DCHS2: variants seen among roughly 807,000 people sequenced by gnomAD.
DCHS2 encodes dachsous cadherin-related 2, also known as protocadherin-23.
DCHS2 carries 142 observed loss-of-function variants against 182.4 expected under a neutral mutation model. The observed-to-expected ratio is 0.78, with a 90% CI of 0.68 to 0.89. The LOEUF (loss-of-function observed/expected upper bound fraction) is 0.89, where lower values mean the gene tolerates loss of function less well. DCHS2 is among the 40% of genes least tolerant of loss of function. The probability of loss-of-function intolerance (pLI) is 0.00; values close to 1 mark genes in which losing one functional copy is unlikely to be tolerated. For synonymous variants in DCHS2, 1,740 were observed against 1,663.3 expected (o/e 1.05, Z -1.12); for missense variants, 4,319 against 4,198.6 (o/e 1.03, Z -0.79).
At chr4:154,269,151 G>T (rs1198217125) in intron 14 of DCHS2, 1 of 152,198 alleles carries the variant, frequency 6.6e-6, no homozygotes, top group Non-Finnish European at 1.5e-5. Context: ...ACCAAAGGCT[G>T]TATGGACCAA....
chr4:154,327,351 T>C (rs1736322892), intron 7 of DCHS2, among the ~76,000 whole-genome samples: 1 of 152,158 alleles, frequency 6.6e-6, no homozygotes, highest in South Asian at 2.1e-4. Context: ...AAAATACCAG[T>C]GAGTTTCGTA....
At chr4:154,274,871 G>T (rs1378193678) in intron 13 of DCHS2, among the ~76,000 whole-genome samples, 1 of 151,734 alleles carries the variant, frequency 6.6e-6, no homozygotes, top group African/African-American at 2.4e-5. Flanking sequence ...CTGATAGTGA[G>T]ATTTGCAGTA....
At chr4:154,282,476 G>A (rs1328098494) in intron 13 of DCHS2, among the ~76,000 whole-genome samples, 1 of 151,664 alleles carries the variant, frequency 6.6e-6, no homozygotes, top group Non-Finnish European at 1.5e-5. Context: ...ATACCCATTA[G>A]GATGGCATTT....
At chr4:154,456,481 G>A (rs1232604053) in intron 1 of DCHS2, among the ~76,000 whole-genome samples, 1 of 152,176 alleles carries the variant, frequency 6.6e-6, no homozygotes, top group Non-Finnish European at 1.5e-5. Context: ...ATGCAGATAT[G>A]ACACGCTGCT....
At position 154,490,710 on chromosome 4, in the gene DCHS2, G is replaced by T; in HGVS notation, c.646C>A (p.Pro216Thr). Residue 216 changes from proline (P) to threonine (T), a missense_variant, in exon 1 of 20, where the codon CCC (proline) becomes ACC (threonine). Physicochemically the swap from Pro to Thr is conservative, Grantham distance 38 (BLOSUM62 -1). Coordinates refer to ENST00000357232, the MANE Select transcript of DCHS2 (RefSeq NM_001358235.2). ...LVQPSDLPKDPAGPFFQLRYR... is the reference protein window; with the variant it reads ...LVQPSDLPKDTAGPFFQLRYR... The stretch of plus-strand genomic sequence containing the variant: ...CGCAACTGGAAGAACGGGCCTGCGG[G>T]GTCCTTGGGCAGGTCGGACGGTTGC... 6.4e-7 allele frequency: 1 copy of T among 1,551,618 alleles called. No homozygotes were observed. Among genetic ancestry groups the T allele is most frequent in the Non-Finnish European group, 8.7e-7 (1 of 1,146,912 alleles).
At chr4:154,488,197 A>C (rs992511754) in intron 1 of DCHS2, among the ~76,000 whole-genome samples, 2 of 141,390 alleles carry the variant, frequency 1.4e-5, no homozygotes, top group Non-Finnish European at 3.1e-5. Context: ...AAAAAGAAAC[A>C]AATAGGAAAT....
chr4:154,366,562 ATATGTATATG>A, intron 2 of DCHS2, 121 bp from the exon 3 acceptor site: 1 of 702,478 alleles, frequency 1.4e-6, no homozygotes, highest in Non-Finnish European at 2.5e-6. Context: ...GGGGGTTTGT[ATATGTATATG>A]TGTGTATACA....
intron 1 of DCHS2, among the ~76,000 whole-genome samples, chr4:154,378,521 G>GAAGGAAGA (rs1731024442): frequency 3.6e-5 from 1 of 27,702 alleles, no homozygotes; most frequent in African/African-American, 1.8e-4. Flanking sequence ...AGGAAGGAAA[G>GAAGGAAGA]AAGGAAGGAA....
At chr4:154,341,361 T>G (rs772468162) in intron 3 of DCHS2, among the ~76,000 whole-genome samples, 9 of 139,392 alleles carry the variant, frequency 6.5e-5, no homozygotes, top group Non-Finnish European at 1.4e-4. Context: ...AGAGCGAGAC[T>G]CTGTCTCAAA....
At chr4:154,440,197 G>A (rs1001588446) in intron 1 of DCHS2, among the ~76,000 whole-genome samples, 2 of 152,164 alleles carry the variant, frequency 1.3e-5, no homozygotes, top group African/African-American at 2.4e-5. Context: ...AGAGTGAGAC[G>A]AAGCTGATGG....
intron 1 of DCHS2, among the ~76,000 whole-genome samples, chr4:154,463,820 T>C (rs964708659): frequency 3.3e-5 from 5 of 152,072 alleles, no homozygotes; most frequent in Non-Finnish European, 7.4e-5. Flanking sequence ...TACATCAGCA[T>C]AGAGACTTCA....
chr4:154,323,114 A>T lies in DCHS2; in HGVS notation c.4019-626T>A, dbSNP rs1736141107. The T allele has an allele frequency of 6.6e-6, 9 of 1,361,084 alleles. No homozygotes were observed. The South Asian group carries it at 1.3e-4, about 19-fold the overall frequency. The allele number at this position is 1,361,084 out of a possible 1,614,324, so 84.3% of individuals were successfully genotyped here. ...CAATTTATTTGTTGAATAAACTGGA[A>T]CTTGTATCCTGACATTTTCCATGAT... On this transcript the variant is annotated intron_variant, in intron 7 of 19. Coordinates refer to ENST00000357232, the MANE Select transcript of DCHS2 (RefSeq NM_001358235.2).
intron 1 of DCHS2, among the ~76,000 whole-genome samples, chr4:154,410,097 C>T (rs903112380): frequency 3.3e-5 from 5 of 151,912 alleles, no homozygotes; most frequent in African/African-American, 1.2e-4. Flanking sequence ...CAATGCAGGG[C>T]CACAAAAGAA....
intron 12 of DCHS2, 94 bp downstream of exon 12, chr4:154,304,575 T>C: frequency 8.8e-7 from 1 of 1,131,434 alleles, no homozygotes; most frequent in Non-Finnish European, 1.2e-6. Flanking sequence ...GAAGTTGCAG[T>C]GAGCCATCGC....
At chr4:154,392,015 T>TG (rs1310925029) in intron 1 of DCHS2, among the ~76,000 whole-genome samples, 2 of 152,188 alleles carry the variant, frequency 1.3e-5, no homozygotes, top group African/African-American at 4.8e-5. Flanking sequence ...GGTACAATCA[T>TG]GGGAAAAGTT....
intron 1 of DCHS2, among the ~76,000 whole-genome samples, chr4:154,398,968 C>T (rs1024939841): frequency 3.9e-5 from 6 of 152,182 alleles, no homozygotes; most frequent in Admixed American, 1.3e-4. Context: ...CCATCACCCC[C>T]GCCTTCTCAC....
intron 1 of DCHS2, among the ~76,000 whole-genome samples, chr4:154,396,236 T>G (rs976352206): frequency 8.1e-6 from 1 of 122,836 alleles, no homozygotes; most frequent in African/African-American, 3.2e-5. Context: ...TCAATATATA[T>G]AGAAGAAAAG....
intron 7 of DCHS2, among the ~76,000 whole-genome samples, chr4:154,323,507 C>T (rs909770142): frequency 6.6e-5 from 10 of 152,022 alleles, no homozygotes; most frequent in African/African-American, 1.9e-4. Context: ...TTGATGTTGG[C>T]CCCCCACTGA....
At chr4:154,392,425 T>TA (rs1346530248) in intron 1 of DCHS2, among the ~76,000 whole-genome samples, 4 of 152,038 alleles carry the variant, frequency 2.6e-5, no homozygotes, top group African/African-American at 4.8e-5. Context: ...CCCATCGTTT[T>TA]AAAAAAATAT....
Sources: gnomAD v4.1 joint callset for allele counts (sites outside exome capture counted in the v4.1 genomes callset) on GRCh38, gnomAD v4.1.1 for gene constraint, MANE v1.5 for transcripts, NCBI Gene and HGNC (gene_info 2026-07-23, HGNC 2026-07-21) for gene names.